Variants in C3orf20 observed in about 807,000 individuals in gnomAD.
The protein encoded by C3orf20 is family with sequence similarity 149 member C.
In C3orf20, 76 loss-of-function variants were observed where a neutral mutation model predicts 88.3. That is an observed-to-expected ratio of 0.86 (90% CI 0.72 to 1.04). The LOEUF (loss-of-function observed/expected upper bound fraction) is 1.04. Ranked by LOEUF, C3orf20 falls within the 50% of genes least tolerant of loss-of-function variation. The pLI is 0.00. For missense variants in C3orf20, 1,056 were observed against 1,123.3 expected, an observed-to-expected ratio of 0.94 and a Z score of 0.86; for synonymous variants, 436 against 437.4, an observed-to-expected ratio of 1.00 and a Z score of 0.04.
At chr3:14,733,694 G>GT (rs56739474) in intron 12 of C3orf20, among the ~76,000 whole-genome samples, 9,327 of 142,670 alleles carry the variant, frequency 0.065, 549 homozygotes, top group African/African-American at 0.15. Context: ...GTTGAAGTTG[G>GT]TTTTTTTTTT....
intron 12 of C3orf20, among the ~76,000 whole-genome samples, chr3:14,738,898 CA>C (rs2034817507): frequency 6.8e-6 from 1 of 146,210 alleles, no homozygotes; most frequent in East Asian, 2.1e-4. Context: ...TCAGGTGATC[CA>C]CCCACCTCAG....
At chr3:14,761,344 GC>G in intron 14 of C3orf20, 128 bp from the exon 15 acceptor site, 1 of 1,116,918 alleles carries the variant, frequency 9.0e-7, no homozygotes, top group Non-Finnish European at 1.3e-6. Flanking sequence ...CCCCAGGCCT[GC>G]CTCACGGCGT....
At position 14,757,383 on chromosome 3, in the gene C3orf20, C is replaced by T. The variant is rs141976684; in HGVS notation, c.1953C>T (p.Arg651=). 4.6e-5 allele frequency: 74 copies of T among 1,610,886 alleles called. No homozygotes were observed. The African/African-American group carries it at 4.9e-4, about 11-fold the overall frequency. Residue 651 remains arginine, a synonymous_variant, in exon 13 of 17, where the codon CGC becomes CGT. Coordinates refer to ENST00000253697, the MANE Select transcript of C3orf20 (RefSeq NM_032137.5). The part of the protein sequence containing the change: ...KAKVTSRGKA[R]EGRSPTRWAA... ...CTCCTCCTTGCAGAGGGAAGGCCCG[C>T]GAGGGGCGCAGCCCCACCAGGTGGG... is the stretch of plus-strand genomic sequence containing the variant.
At chr3:14,705,378 G>A (rs1329361932) in intron 7 of C3orf20, among the ~76,000 whole-genome samples, 3 of 152,244 alleles carry the variant, frequency 2.0e-5, no homozygotes, top group Non-Finnish European at 2.9e-5. Flanking sequence ...GAGCCCTGAG[G>A]GCTGTGCATA....
intron 4 of C3orf20, among the ~76,000 whole-genome samples, chr3:14,689,470 T>C (rs1183122697): frequency 6.6e-6 from 1 of 152,198 alleles, no homozygotes; most frequent in African/African-American, 2.4e-5. Flanking sequence ...GAGGTTTGTA[T>C]AAGAATGAAC....
chr3:14,726,940 A>G lies in C3orf20; in HGVS notation c.1606A>G (p.Lys536Glu). The G allele has an allele frequency of 6.2e-7, 1 of 1,614,172 alleles. No individual in the cohort carries two copies. ...RISNMDDKVY[K>E]MSRALAEIKK... ...CAGCAACATGGACGACAAGGTGTATAAGATGAGCCGAGCCCTGGCTGAGAT... is the reference window on the plus strand; with the variant it reads ...CAGCAACATGGACGACAAGGTGTATGAGATGAGCCGAGCCCTGGCTGAGAT... The change falls in exon 11 of 17, where the codon AAG (lysine) becomes GAG (glutamate). Residue 536 changes from lysine to glutamate, a missense_variant. Coordinates refer to ENST00000253697, the MANE Select transcript of C3orf20 (RefSeq NM_032137.5).
intron 12 of C3orf20, among the ~76,000 whole-genome samples, chr3:14,739,817 T>C (rs1181097399): frequency 1.3e-5 from 2 of 152,250 alleles, no homozygotes; most frequent in East Asian, 3.8e-4. Flanking sequence ...ATGGAGATGG[T>C]TTCATTCCTT....
Position 14,772,173 on chromosome 3 carries a change from GAGA to G in C3orf20, c.2605_2607del (p.Lys869del), listed in dbSNP as rs1559453730. On this transcript the variant is annotated inframe_deletion, in exon 16 of 17. Transcript: ENST00000253697. This position sits in a 1 kb window ranked among gnomAD's most constrained non-coding sequence, Gnocchi z 4.2. ...CTCATTGGCCCTGGAAGACTATGTG[GAGA>G]AGGAGTTATCTCTGGAGGCTGAGAA... is the stretch of plus-strand genomic sequence containing the variant. 4 of 1,614,268 alleles carry G rather than the reference GAGA, an allele frequency of 2.5e-6. No individual in the cohort carries two copies. Among genetic ancestry groups the G allele is most frequent in the African/African-American group, 1.3e-5 (1 of 75,080 alleles).
At chr3:14,691,671 T>C (rs1026852279) in intron 5 of C3orf20, among the ~76,000 whole-genome samples, 1 of 152,230 alleles carries the variant, frequency 6.6e-6, no homozygotes, top group Non-Finnish European at 1.5e-5. Flanking sequence ...TTATGGGTTA[T>C]GTGAGATATT....
Position 14,772,125 on chromosome 3 carries a change from G to A in C3orf20, c.2554G>A (p.Glu852Lys). ...TGAATCAGTCAAGAAAGCCGAGTCA[G>A]AAGATATCCAAGGAAGCAGCTCCTC... ...DSESVKKAES[E>K]DIQGSSSSLA... The change falls in exon 16 of 17, where the codon GAA becomes AAA. Residue 852 changes from glutamate to lysine, a missense_variant. Coordinates refer to ENST00000253697, the MANE Select transcript of C3orf20 (RefSeq NM_032137.5). This position sits in a 1 kb window ranked among gnomAD's most constrained non-coding sequence, Gnocchi z 4.2. The A allele has an allele frequency of 6.2e-7, 1 of 1,614,254 alleles. No individual in the cohort carries two copies.
chr3:14,714,980 T>C (rs1405958790), intron 8 of C3orf20, among the ~76,000 whole-genome samples: 1 of 152,208 alleles, frequency 6.6e-6, no homozygotes, highest in African/African-American at 2.4e-5. Context: ...TTATAGGTAT[T>C]CCAGTTCCCA....
At chr3:14,716,380 G>A (rs981096683) in intron 9 of C3orf20, among the ~76,000 whole-genome samples, 1 of 152,208 alleles carries the variant, frequency 6.6e-6, no homozygotes, top group Non-Finnish European at 1.5e-5. Context: ...AAGCTGGCCT[G>A]AGATGAAGAG....
At chr3:14,684,839 C>T (rs1220149894) in intron 4 of C3orf20, among the ~76,000 whole-genome samples, 3 of 152,108 alleles carry the variant, frequency 2.0e-5, no homozygotes, top group African/African-American at 4.8e-5. Flanking sequence ...AGGCTGCACT[C>T]GAGTCATACA....
intron 12 of C3orf20, among the ~76,000 whole-genome samples, chr3:14,735,796 T>G (rs1160863393): frequency 6.6e-6 from 1 of 152,126 alleles, no homozygotes; most frequent in African/African-American, 2.4e-5. Flanking sequence ...GATTTCACCA[T>G]GTTGGCCAGG....
intron 7 of C3orf20, among the ~76,000 whole-genome samples, chr3:14,712,190 A>G (rs201399549): frequency 2.3e-5 from 3 of 130,358 alleles, no homozygotes; most frequent in African/African-American, 9.7e-5. Flanking sequence ...GCGCACACAC[A>G]CACACACACA....
chr3:14,703,953 G>A (rs974367684), intron 6 of C3orf20, among the ~76,000 whole-genome samples: 7 of 152,078 alleles, frequency 4.6e-5, no homozygotes, highest in South Asian at 2.1e-4. Context: ...GCCAGAACAT[G>A]GGGAGAGGGC....
intron 1 of C3orf20, among the ~76,000 whole-genome samples, chr3:14,681,536 G>A (rs1429612422): frequency 6.6e-6 from 1 of 152,214 alleles, no homozygotes. Context: ...TCTGCATCAA[G>A]ATGCTGGAGA....
intron 15 of C3orf20, among the ~76,000 whole-genome samples, chr3:14,766,518 G>A (rs113482300): frequency 0.014 from 2,182 of 152,318 alleles, 49 homozygotes; most frequent in African/African-American, 0.049. Flanking sequence ...ACCTGCACAC[G>A]ACAGTCACTG....
chr3:14,703,126 A>G lies in C3orf20; in HGVS notation c.746-4A>G, dbSNP rs775211978. 9.3e-6 allele frequency: 15 copies of G among 1,613,966 alleles called. No individual in the cohort carries two copies. Among genetic ancestry groups the G allele is most frequent in the African/African-American group, 1.3e-5 (1 of 74,904 alleles). ...CTCTCTAACTTCTTGCCCTCCAACTACAGGCAAATCTAGAACTACAGAAGA... is the reference window on the plus strand; with the variant it reads ...CTCTCTAACTTCTTGCCCTCCAACTGCAGGCAAATCTAGAACTACAGAAGA... On this transcript the variant is annotated splice_region_variant and splice_polypyrimidine_tract_variant and intron_variant, in intron 5 of 16. Transcript: ENST00000253697.
Sources: gnomAD v4.1 joint callset for allele counts (sites outside exome capture counted in the v4.1 genomes callset) on GRCh38, gnomAD v4.1.1 for gene constraint, Gnocchi (gnomAD v3.1) non-coding constraint, MANE v1.5 for transcripts, NCBI Gene and HGNC (gene_info 2026-07-23, HGNC 2026-07-21) for gene names.